RIPOR3: variants seen among roughly 807,000 people sequenced by gnomAD.
RIPOR3 encodes RIPOR family member 3, also known as family with sequence similarity 65 member C.
A neutral mutation model predicts 114.3 loss-of-function variants in RIPOR3; 95 were observed. The observed-to-expected ratio is 0.83, with a 90% CI of 0.70 to 0.99. RIPOR3 has a LOEUF of 0.99. Ranked by LOEUF, RIPOR3 falls within the 50% of genes least tolerant of loss-of-function variation. The probability of loss-of-function intolerance (pLI) is 0.00; values close to 1 mark genes in which losing one functional copy is unlikely to be tolerated. For missense variants in RIPOR3, 1,252 were observed against 1,266.9 expected (o/e 0.99, Z 0.18); for synonymous variants, 575 against 543.8 (o/e 1.06, Z -0.80).
chr20:50,638,754 G>A (rs2085086378), intron 1 of RIPOR3, among the ~76,000 whole-genome samples: 1 of 152,110 alleles, frequency 6.6e-6, no homozygotes, highest in African/African-American at 2.4e-5. Flanking sequence ...AGCACAGGCT[G>A]ACTTGGGAAT....
In RIPOR3 at chr20:50,660,749, C is replaced by CTTTT. The variant is rs58201824; in HGVS notation, c.4-29897_4-29894dup. Among the ~76,000 whole-genome samples the CTTTT allele has an allele frequency of 4.8e-4, 40 of 83,278 alleles. 2 individuals are homozygous for CTTTT. The highest frequency in any genetic ancestry group is 1.5e-3 in the African/African-American group (34 of 23,168). The allele number at this position is 83,278 out of a possible 152,430, so 54.6% of individuals were successfully genotyped here. Reference sequence around the variant, plus strand: ...TGTCATTGGGTTTTCTGGGATTTACCTTTTTTTTTTTTTTTTTTTTTTTGA... The same window carrying CTTTT: ...TGTCATTGGGTTTTCTGGGATTTACCTTTTTTTTTTTTTTTTTTTTTTTTTTTGA... On this transcript the variant is annotated intron_variant, in intron 1 of 21. Transcript: ENST00000327979.
At chr20:50,605,385 A>C (rs2083671210) in intron 11 of RIPOR3, among the ~76,000 whole-genome samples, 1 of 152,172 alleles carries the variant, frequency 6.6e-6, no homozygotes, top group African/African-American at 2.4e-5. Context: ...GACGGAACTG[A>C]ATTCACACAC....
intron 1 of RIPOR3, among the ~76,000 whole-genome samples, chr20:50,649,696 C>G (rs559136884): frequency 6.6e-6 from 1 of 152,236 alleles, no homozygotes; most frequent in South Asian, 2.1e-4. Flanking sequence ...GTTCGCTCAG[C>G]CCAGTGGCAA....
chr20:50,619,435 C>A, intron 3 of RIPOR3, among the ~76,000 whole-genome samples: 1 of 133,886 alleles, frequency 7.5e-6, no homozygotes, highest in Middle Eastern at 4.1e-3. Flanking sequence ...AGCGAGACTC[C>A]ATCTCAAAAA....
intron 11 of RIPOR3, among the ~76,000 whole-genome samples, chr20:50,607,318 C>T (rs924378795): frequency 1.3e-5 from 2 of 152,184 alleles, no homozygotes; most frequent in East Asian, 1.9e-4. Flanking sequence ...TCCAGGCGAG[C>T]GCATGGGAGC....
At chr20:50,655,431 G>T (rs1472474780) in intron 1 of RIPOR3, among the ~76,000 whole-genome samples, 1 of 152,214 alleles carries the variant, frequency 6.6e-6, no homozygotes, top group African/African-American at 2.4e-5. Flanking sequence ...GCTCACTGCA[G>T]TTACCAAGCA....
In RIPOR3 at chr20:50,594,580, C is replaced by T. The variant is rs756926679; in HGVS notation, c.2185G>A (p.Gly729Arg). 6 of 1,614,080 alleles carry T rather than the reference C, an allele frequency of 3.7e-6. No individual in the cohort carries two copies. The highest frequency in any genetic ancestry group is 1.7e-5 in the Admixed American group (1 of 60,014). Residue 729 changes from glycine to arginine, a missense_variant, in exon 17 of 22, where the codon GGG (glycine) becomes AGG (arginine). Coordinates refer to ENST00000327979, the MANE Select transcript of RIPOR3 (RefSeq NM_001290268.2). Reference sequence around the variant, plus strand: ...ATTTCCAGCTGTCCTGGGTACTTCCCTCTGACTCTGTGCTGGAAGGTTTTC... The same window carrying T: ...ATTTCCAGCTGTCCTGGGTACTTCCTTCTGACTCTGTGCTGGAAGGTTTTC... ...LKKTFQHRVRGKYPGQLEIAC... is the reference protein window; with the variant it reads ...LKKTFQHRVRRKYPGQLEIAC...
At chr20:50,596,431 G>A (rs376576553) in intron 14 of RIPOR3, among the ~76,000 whole-genome samples, 168 bp from the exon 15 acceptor site, 7 of 152,330 alleles carry the variant, frequency 4.6e-5, no homozygotes, top group South Asian at 4.1e-4. Context: ...GCAGCAACTC[G>A]AAACAGAGCT....
chr20:50,677,732 C>T (rs1405347077), intron 1 of RIPOR3, among the ~76,000 whole-genome samples: 5 of 140,014 alleles, frequency 3.6e-5, no homozygotes, highest in African/African-American at 1.1e-4. Flanking sequence ...TGCAGTGGGG[C>T]GATCTCAGCT....
intron 20 of RIPOR3, among the ~76,000 whole-genome samples, 193 bp from the exon 21 acceptor site, chr20:50,588,085 G>A (rs921751589): frequency 1.3e-4 from 20 of 152,278 alleles, no homozygotes; most frequent in African/African-American, 4.3e-4. Context: ...GAAGCGTCTC[G>A]CCTCTTCAGC....
At chr20:50,650,274 C>T (rs2085553337) in intron 1 of RIPOR3, among the ~76,000 whole-genome samples, 1 of 151,872 alleles carries the variant, frequency 6.6e-6, no homozygotes, top group African/African-American at 2.4e-5. Context: ...GCCCCACCTC[C>T]TAATCACAGC....
At chr20:50,641,736 A>G (rs1331480661) in intron 1 of RIPOR3, among the ~76,000 whole-genome samples, 2 of 152,080 alleles carry the variant, frequency 1.3e-5, no homozygotes. Context: ...AGCGTTTCCC[A>G]CGCTAAACCA....
intron 1 of RIPOR3, among the ~76,000 whole-genome samples, chr20:50,647,675 G>T (rs2085459260): frequency 6.6e-6 from 1 of 151,226 alleles, no homozygotes; most frequent in Non-Finnish European, 1.5e-5. Context: ...GTAGAGACAG[G>T]GTTTCACCGT....
intron 1 of RIPOR3, among the ~76,000 whole-genome samples, chr20:50,640,589 A>C (rs2085154576): frequency 6.8e-6 from 1 of 148,060 alleles, no homozygotes; most frequent in Non-Finnish European, 1.5e-5. Context: ...ACTGGAATGA[A>C]CTGCCCCCAA....
intron 1 of RIPOR3, among the ~76,000 whole-genome samples, chr20:50,633,290 T>G (rs1019077202): frequency 6.6e-6 from 1 of 151,920 alleles, no homozygotes; most frequent in African/African-American, 2.4e-5. Context: ...AAACAAAAAA[T>G]AGTCAATTGT....
chr20:50,627,784 G>A (rs774876516), intron 2 of RIPOR3, among the ~76,000 whole-genome samples: 4 of 152,196 alleles, frequency 2.6e-5, no homozygotes, highest in African/African-American at 4.8e-5. Flanking sequence ...CAACCTGGGC[G>A]ACAGAATGAC....
Position 50,604,868 on chromosome 20 carries a change from A to G in RIPOR3, c.957-94T>C. 5 of 1,463,020 alleles carry G rather than the reference A, an allele frequency of 3.4e-6. No individual in the cohort carries two copies. In the Admixed American group the frequency reaches 9.3e-5, roughly 27 times the overall value. The allele number at this position is 1,463,020 out of a possible 1,614,324, so 90.6% of individuals were successfully genotyped here. A position where few individuals can be genotyped will look rare whatever the true frequency, so the allele number is the denominator to read the frequency against. ...CAGGGCTCTTAGGTTATGCAGGTAG[A>G]TGGTCTTCATCTTACAATACAATAG... On this transcript the variant is annotated intron_variant, in intron 11 of 21. Transcript: ENST00000327979.
chr20:50,630,858 T>C lies in RIPOR3; in HGVS notation c.4-2A>G, dbSNP rs1397992287. 6.3e-7 allele frequency: 1 copy of C among 1,593,482 alleles called. No individual in the cohort carries two copies. The highest frequency in any genetic ancestry group is 8.5e-7 in the Non-Finnish European group (1 of 1,170,414). On this transcript the variant is annotated splice_acceptor_variant, in intron 1 of 21. Coordinates refer to ENST00000327979, the MANE Select transcript of RIPOR3 (RefSeq NM_001290268.2). LOFTEE classifies it high-confidence loss of function. ...CAACCTCACCGACATGGTGGTCACC[T>C]GCAAGGAGAGGACAGGAGAGTCAGC...
At chr20:50,644,842 T>A (rs1205764344) in intron 1 of RIPOR3, among the ~76,000 whole-genome samples, 1 of 106,506 alleles carries the variant, frequency 9.4e-6, no homozygotes, top group Non-Finnish European at 1.7e-5. Context: ...TTTTTATTTT[T>A]TATTTTTTTT....
Sources: gnomAD v4.1 joint callset for allele counts (sites outside exome capture counted in the v4.1 genomes callset) on GRCh38, gnomAD v4.1.1 for gene constraint, MANE v1.5 for transcripts, NCBI Gene and HGNC (gene_info 2026-07-23, HGNC 2026-07-21) for gene names.